DLG2: variants seen among roughly 807,000 people sequenced by gnomAD.
DLG2 encodes the protein discs large MAGUK scaffold protein 2, also known as disks large homolog 2.
Under a neutral mutation model 132.5 loss-of-function variants are expected in DLG2, and 45 were observed. The ratio of observed to expected loss-of-function variants is 0.34; its 90% CI spans 0.27 to 0.44. DLG2 has a LOEUF of 0.44. DLG2 is among the 20% of genes least tolerant of loss of function. The pLI is 1.00. For synonymous variants in DLG2, 424 were observed against 419.6 expected (o/e 1.01, Z -0.13); for missense variants, 1,045 against 1,196.9 (o/e 0.87, Z 1.87).
chr11:83,552,997 G>A (rs570425536), intron 19 of DLG2, among the ~76,000 whole-genome samples: 1 of 152,150 alleles, frequency 6.6e-6, no homozygotes, highest in Non-Finnish European at 1.5e-5. Context: ...CTACATTTCA[G>A]TTGATTTATC....
At chr11:83,667,762 G>A (rs943593293) in intron 18 of DLG2, among the ~76,000 whole-genome samples, 10 of 151,870 alleles carry the variant, frequency 6.6e-5, no homozygotes, top group African/African-American at 1.2e-4. Flanking sequence ...GGCGGATCAC[G>A]AGGTCAGGAG....
At chr11:85,245,819 A>G (rs1400143934) in intron 4 of DLG2, among the ~76,000 whole-genome samples, 1 of 151,870 alleles carries the variant, frequency 6.6e-6, no homozygotes, top group African/African-American at 2.4e-5. Flanking sequence ...TCCAGCCTCA[A>G]TGTCCTCCCT....
chr11:85,272,248 A>G (rs2077580959), intron 4 of DLG2, among the ~76,000 whole-genome samples: 1 of 152,158 alleles, frequency 6.6e-6, no homozygotes, highest in East Asian at 1.9e-4. Context: ...TCTTTCTGCC[A>G]TAATTGTGAG....
rs188578696 is a variant in DLG2, at chr11:85,453,320, G to A, written c.40+145337C>T. 75 of 254,438 alleles carry A rather than the reference G, an allele frequency of 2.9e-4. 1 individual carries two copies. Among genetic ancestry groups the A allele is most frequent in the African/African-American group, 1.6e-3 (69 of 44,036 alleles). The allele number at this position is 254,438 out of a possible 1,614,324, so 15.8% of individuals were successfully genotyped here. A position where few individuals can be genotyped will look rare whatever the true frequency, so the allele number is the denominator to read the frequency against. ...TTTGAGCTAAACTTTGGCTTCATAA[G>A]TCATTCTTAGTGTAGCCCTATTGAG... is the stretch of plus-strand genomic sequence containing the variant. On this transcript the variant is annotated intron_variant, in intron 3 of 27. Transcript: ENST00000376104.
intron 18 of DLG2, chr11:83,692,207 C>T (rs1356490467): frequency 1.3e-5 from 2 of 152,166 alleles, no homozygotes; most frequent in African/African-American, 4.8e-5. Flanking sequence ...CAAACAAACA[C>T]CCCTTCCCTG....
At chr11:85,344,817 C>A (rs2082719876) in intron 3 of DLG2, among the ~76,000 whole-genome samples, 1 of 151,790 alleles carries the variant, frequency 6.6e-6, no homozygotes, top group Middle Eastern at 3.2e-3. Context: ...TTTTTCAATT[C>A]CTGCTTACTC....
intron 18 of DLG2, among the ~76,000 whole-genome samples, chr11:83,753,853 C>G (rs1315530637): frequency 0.13 from 1,125 of 8,846 alleles, 142 homozygotes; most frequent in African/African-American, 0.36. Flanking sequence ...TCATATATAT[C>G]ATATATATAT....
intron 9 of DLG2, among the ~76,000 whole-genome samples, chr11:84,131,647 A>T: frequency 6.6e-6 from 1 of 151,928 alleles, no homozygotes; most frequent in Non-Finnish European, 1.5e-5. Flanking sequence ...GCAGATGGAA[A>T]GGTGACTCAG....
intron 7 of DLG2, among the ~76,000 whole-genome samples, chr11:84,448,051 A>G (rs1361347061): frequency 6.6e-6 from 1 of 152,114 alleles, no homozygotes; most frequent in African/African-American, 2.4e-5. Context: ...AAGATGCCTA[A>G]TTTAATAATT....
At chr11:83,685,998 T>G (rs762646602) in intron 18 of DLG2, among the ~76,000 whole-genome samples, 5 of 152,070 alleles carry the variant, frequency 3.3e-5, no homozygotes, top group Non-Finnish European at 7.4e-5. Flanking sequence ...CTTCAAAATG[T>G]ACCCTCTGTC....
chr11:84,051,605 C>T (rs1416163726), intron 11 of DLG2, among the ~76,000 whole-genome samples: 1 of 125,904 alleles, frequency 7.9e-6, no homozygotes, highest in Non-Finnish European at 1.6e-5. Context: ...AGGGGAACAT[C>T]ATACACCGGG....
chr11:83,673,608 C>T (rs1216389240), intron 18 of DLG2, among the ~76,000 whole-genome samples: 3 of 152,180 alleles, frequency 2.0e-5, no homozygotes, highest in Non-Finnish European at 4.4e-5. Flanking sequence ...CTTGGGTTTG[C>T]TACTGGCCCT....
chr11:84,359,097 C>T (rs1460686789), intron 7 of DLG2, among the ~76,000 whole-genome samples: 4 of 151,996 alleles, frequency 2.6e-5, no homozygotes, highest in South Asian at 2.1e-4. Context: ...ATTTGACCTC[C>T]ATGGCCAAGA....
chr11:83,884,739 T>G (rs1231983179), intron 15 of DLG2, among the ~76,000 whole-genome samples: 1 of 152,142 alleles, frequency 6.6e-6, no homozygotes, highest in Non-Finnish European at 1.5e-5. Context: ...GATACTCCTC[T>G]GAGACAAAAC....
At chr11:84,684,561 G>A (rs751302231) in intron 6 of DLG2, among the ~76,000 whole-genome samples, 3 of 152,116 alleles carry the variant, frequency 2.0e-5, no homozygotes, top group Non-Finnish European at 2.9e-5. Flanking sequence ...GTGGTGCACT[G>A]AAGGTAACCT....
intron 18 of DLG2, among the ~76,000 whole-genome samples, chr11:83,677,635 A>C (rs2077982846): frequency 6.6e-6 from 1 of 152,222 alleles, no homozygotes; most frequent in Non-Finnish European, 1.5e-5. Context: ...TAAAAATAAA[A>C]GGAAAAAATC....
At chr11:85,381,103 G>C (rs527906407) in intron 3 of DLG2, among the ~76,000 whole-genome samples, 1 of 152,220 alleles carries the variant, frequency 6.6e-6, no homozygotes, top group African/African-American at 2.4e-5. Context: ...CAGTATAAGA[G>C]ATACCATCAG....
intron 7 of DLG2, among the ~76,000 whole-genome samples, chr11:84,386,738 T>C (rs965435494): frequency 6.6e-6 from 1 of 152,140 alleles, no homozygotes; most frequent in African/African-American, 2.4e-5. Context: ...CATGAGAGAA[T>C]GTTTCTCACA....
At chr11:83,642,125 A>G (rs779754657) in intron 18 of DLG2, among the ~76,000 whole-genome samples, 2 of 152,172 alleles carry the variant, frequency 1.3e-5, no homozygotes, top group African/African-American at 2.4e-5. Context: ...AGTTATGGAT[A>G]CCATGAGGGC....
Sources: allele counts gnomAD v4.1 joint callset (sites outside exome capture counted in the v4.1 genomes callset), GRCh38; gene constraint gnomAD v4.1.1; transcripts MANE v1.5; gene names NCBI Gene and HGNC (gene_info 2026-07-23, HGNC 2026-07-21).